CCDC136: variants seen among roughly 807,000 people sequenced by gnomAD.
CCDC136 encodes coiled-coil domain-containing protein 136.
CCDC136 carries 100 observed loss-of-function variants against 141.2 expected under a neutral mutation model. That is an observed-to-expected ratio of 0.71 (90% CI 0.60 to 0.84). The LOEUF is 0.84. Ranked by LOEUF, CCDC136 falls within the 40% of genes least tolerant of loss-of-function variation. The probability of loss-of-function intolerance (pLI) is 0.00; values close to 1 mark genes in which losing one functional copy is unlikely to be tolerated. For synonymous variants in CCDC136, 474 were observed against 531.9 expected, an observed-to-expected ratio of 0.89 and a Z score of 1.50; for missense variants, 1,206 against 1,379.4, an observed-to-expected ratio of 0.87 and a Z score of 1.99.
intron 1 of CCDC136, among the ~76,000 whole-genome samples, chr7:128,793,648 G>A (rs940441452): frequency 7.2e-5 from 11 of 152,166 alleles, no homozygotes; most frequent in Non-Finnish European, 1.5e-4. Flanking sequence ...TCACTCTGTT[G>A]CCCAGGCTGG....
intron 4 of CCDC136, among the ~76,000 whole-genome samples, chr7:128,803,815 C>CTTTTTT (rs547570254): frequency 7.4e-6 from 1 of 135,226 alleles, no homozygotes; most frequent in Non-Finnish European, 1.6e-5. Flanking sequence ...GAAAGAATTC[C>CTTTTTT]TTTTTTTTTT....
chr7:128,812,346 A>T, intron 13 of CCDC136, 34 bp downstream of exon 13: 1 of 1,589,314 alleles, frequency 6.3e-7, no homozygotes, highest in South Asian at 1.1e-5. Context: ...CAGGCAGGGG[A>T]CGATGGACTC....
At chr7:128,793,129 G>A (rs1048818434) in intron 1 of CCDC136, among the ~76,000 whole-genome samples, 2 of 152,246 alleles carry the variant, frequency 1.3e-5, no homozygotes. Context: ...ATTAGATAAA[G>A]TAAGACCAGA....
At position 128,821,762 on chromosome 7, in the gene CCDC136, AG is replaced by A. The variant is rs1245116609; in HGVS notation, c.*6-35del. 5 of 1,289,740 alleles carry A rather than the reference AG, an allele frequency of 3.9e-6. No individual in the cohort carries two copies. Among genetic ancestry groups the A allele is most frequent in the Middle Eastern group, 2.1e-4 (1 of 4,698 alleles). 79.9% of individuals were successfully genotyped at this position (1,289,740 alleles called of 1,614,324 possible). ...CTTCTGGCTTAGGGCAGGGTTCAGG[AG>A]GCTGGGCACTCACAGTTTCTCTTTG... On this transcript the variant is annotated intron_variant, in intron 17 of 17. Coordinates refer to ENST00000297788, the MANE Select transcript of CCDC136 (RefSeq NM_022742.5). This position sits in a 1 kb window ranked among gnomAD's most constrained non-coding sequence, Gnocchi z 5.1.
chr7:128,803,197 A>T (rs1264907608), intron 4 of CCDC136, among the ~76,000 whole-genome samples: 1 of 152,188 alleles, frequency 6.6e-6, no homozygotes, highest in African/African-American at 2.4e-5. Context: ...GTGGACACAG[A>T]GTCTTGCTCT....
Position 128,792,325 on chromosome 7 carries a change from A to G in CCDC136, c.-87A>G. 7.5e-7 allele frequency: 1 copy of G among 1,331,714 alleles called. No homozygotes were observed. Among genetic ancestry groups the G allele is most frequent in the South Asian group, 1.2e-5 (1 of 85,744 alleles). The allele number at this position is 1,331,714 out of a possible 1,614,324, so 82.5% of individuals were successfully genotyped here. On this transcript the variant is annotated 5_prime_UTR_variant, in exon 1 of 18. Transcript: ENST00000297788. ...TCCTTTCTCCCTGCTCTCAGGACCC[A>G]CAGTGACCACTCTAGGCTCCTATGA... is the stretch of plus-strand genomic sequence containing the variant.
chr7:128,809,432 AC>A lies in CCDC136; in HGVS notation c.1606-15del. On this transcript the variant is annotated splice_polypyrimidine_tract_variant and intron_variant, in intron 10 of 17. Coordinates refer to ENST00000297788, the MANE Select transcript of CCDC136 (RefSeq NM_022742.5). The stretch of plus-strand genomic sequence containing the variant: ...CTTACAGAGTAACCACCCCCTCCAC[AC>A]CCGCCCCCACCCACAGTGTGACACA... The A allele has an allele frequency of 8.0e-7, 1 of 1,253,182 alleles. No individual in the cohort carries two copies. Among genetic ancestry groups the A allele is most frequent in the Non-Finnish European group, 1.1e-6 (1 of 898,220 alleles). 77.6% of individuals were successfully genotyped at this position (1,253,182 alleles called of 1,614,324 possible).
chr7:128,792,248 C>T lies in CCDC136; in HGVS notation c.-164C>T. 1 of 1,531,240 alleles carries T rather than the reference C, an allele frequency of 6.5e-7. No individual in the cohort carries two copies. Among genetic ancestry groups the T allele is most frequent in the South Asian group, 1.2e-5 (1 of 82,040 alleles). 94.9% of individuals were successfully genotyped at this position (1,531,240 alleles called of 1,614,324 possible). On this transcript the variant is annotated 5_prime_UTR_variant, in exon 1 of 18. Coordinates refer to ENST00000297788, the MANE Select transcript of CCDC136 (RefSeq NM_022742.5). The stretch of plus-strand genomic sequence containing the variant: ...CCTCGAGGAGCTGGAAGACATGTCC[C>T]CTTCTTTCCTCTGCACCCCAGCCCG...
chr7:128,812,644 A>G (rs1291248870), intron 13 of CCDC136, 64 bp from the exon 14 acceptor site: 1 of 1,293,268 alleles, frequency 7.7e-7, no homozygotes, highest in African/African-American at 1.5e-5. Flanking sequence ...GGAAGGGCCC[A>G]GCAGAGTAGG....
At chr7:128,793,761 T>A (rs767916558) in intron 1 of CCDC136, among the ~76,000 whole-genome samples, 1 of 152,050 alleles carries the variant, frequency 6.6e-6, no homozygotes, top group Non-Finnish European at 1.5e-5. Context: ...AGGCGTGTAC[T>A]ACCACGCCCA....
chr7:128,797,686 G>A (rs1450690453), intron 3 of CCDC136, among the ~76,000 whole-genome samples: 4 of 152,174 alleles, frequency 2.6e-5, no homozygotes, highest in East Asian at 1.9e-4. Flanking sequence ...GGTGAGTACC[G>A]ATAACTCCAG....
In CCDC136 at chr7:128,805,569, C is replaced by A; in HGVS notation, c.948+45C>A. On this transcript the variant is annotated intron_variant, in intron 6 of 17. Transcript: ENST00000297788. This position sits in a 1 kb window ranked among gnomAD's most constrained non-coding sequence, Gnocchi z 4.6. Reference sequence around the variant, plus strand: ...GAAGGCAGGCACATTTCTTGTCTTTCTTTCACCTTCTCCCAGCCTGTGGTA... The same window carrying A: ...GAAGGCAGGCACATTTCTTGTCTTTATTTCACCTTCTCCCAGCCTGTGGTA... 6.4e-7 allele frequency: 1 copy of A among 1,565,936 alleles called. No homozygotes were observed. The highest frequency in any genetic ancestry group is 8.7e-7 in the Non-Finnish European group (1 of 1,153,582).
chr7:128,817,069 A>G lies in CCDC136; in HGVS notation c.3364-689A>G, dbSNP rs1460056946. 2.0e-5 allele frequency among the ~76,000 whole-genome samples: 3 copies of G among 152,152 alleles called. No individual in the cohort carries two copies. Among genetic ancestry groups the G allele is most frequent in the Non-Finnish European group, 2.9e-5 (2 of 68,030 alleles). On this transcript the variant is annotated intron_variant, in intron 16 of 17. Transcript: ENST00000297788. The surrounding 1 kb of genome is among the most constrained non-coding windows in gnomAD (Gnocchi z 4.6). ...CAGATGTCTTTACCTTCGGTGCCACATTTCTAAAGCTAGACCTGATTTTTC... is the reference window on the plus strand; with the variant it reads ...CAGATGTCTTTACCTTCGGTGCCACGTTTCTAAAGCTAGACCTGATTTTTC...
At chr7:128,814,086 G>C (rs1045167049) in intron 14 of CCDC136, among the ~76,000 whole-genome samples, 18 of 151,674 alleles carry the variant, frequency 1.2e-4, no homozygotes, top group African/African-American at 4.1e-4. Flanking sequence ...TCATTGTTTT[G>C]ACCTTCTTTT....
rs1045053094 is a variant in CCDC136, at chr7:128,821,204, A to G, written c.*6-595A>G. 2.0e-5 allele frequency among the ~76,000 whole-genome samples: 3 copies of G among 152,224 alleles called. No individual in the cohort carries two copies. The highest frequency in any genetic ancestry group is 7.2e-5 in the African/African-American group (3 of 41,462). On this transcript the variant is annotated intron_variant, in intron 17 of 17. Transcript: ENST00000297788. This position sits in a 1 kb window ranked among gnomAD's most constrained non-coding sequence, Gnocchi z 5.1. Reference sequence around the variant, plus strand: ...AGCACATGCACCAGGAAGTCAGTCAACATACCTGGTGATTAGGAGTGTTCT... The same window carrying G: ...AGCACATGCACCAGGAAGTCAGTCAGCATACCTGGTGATTAGGAGTGTTCT...
chr7:128,798,504 A>C (rs13307961), intron 3 of CCDC136, among the ~76,000 whole-genome samples: 1 of 151,880 alleles, frequency 6.6e-6, no homozygotes, highest in African/African-American at 2.4e-5. Flanking sequence ...CACCAGCCTC[A>C]GCCTCCCAAA....
intron 3 of CCDC136, among the ~76,000 whole-genome samples, chr7:128,800,300 T>C (rs1357118371): frequency 6.6e-6 from 1 of 152,178 alleles, no homozygotes; most frequent in African/African-American, 2.4e-5. Flanking sequence ...ATTATTGTTA[T>C]TATTTTTCGA....
chr7:128,806,243 G>T lies in CCDC136; in HGVS notation c.1096G>T (p.Glu366Ter). 12 of 1,563,048 alleles carry T rather than the reference G, an allele frequency of 7.7e-6. No homozygotes were observed. Among genetic ancestry groups the T allele is most frequent in the Non-Finnish European group, 1.0e-5 (12 of 1,151,406 alleles). ...CACATCCTCCCTACCACAGAATGAG[G>T]AGCTGAAGTCCAGACTCTGTACCCT... ...QTSHSVTQNE[E>*]LKSRLCTLQK... is the part of the protein sequence containing the mutation. Residue 366 changes from glutamate to a stop codon, truncating the protein, a stop_gained, in exon 8 of 18, where the codon GAG becomes TAG. Transcript: ENST00000297788. LOFTEE classifies it high-confidence loss of function.
intron 1 of CCDC136, 83 bp downstream of exon 1, chr7:128,792,510 C>G: frequency 9.1e-7 from 1 of 1,094,542 alleles, no homozygotes; most frequent in Non-Finnish European, 1.3e-6. Flanking sequence ...CCCCAGGCCT[C>G]TGAGCCAGGA....
Sources: allele counts gnomAD v4.1 joint callset (sites outside exome capture counted in the v4.1 genomes callset), GRCh38; gene constraint gnomAD v4.1.1; non-coding constraint Gnocchi (gnomAD v3.1); transcripts MANE v1.5; gene names NCBI Gene and HGNC (gene_info 2026-07-23, HGNC 2026-07-21).